The following FSIP2 variants were observed in gnomAD, a reference collection of about 807,000 sequenced individuals.
FSIP2 encodes the protein fibrous sheath interacting protein 2.
FSIP2 carries 367 observed loss-of-function variants against 510.5 expected under a neutral mutation model. The observed-to-expected ratio is 0.72, with a 90% CI of 0.66 to 0.78. The LOEUF (loss-of-function observed/expected upper bound fraction) is 0.78. FSIP2 is among the 30% of genes least tolerant of loss of function. FSIP2 has a pLI of 0.00. For synonymous variants in FSIP2, 2,601 were observed against 2,732.2 expected (o/e 0.95, Z 1.50); for missense variants, 7,594 against 7,901.7 (o/e 0.96, Z 1.48).
intron 7 of FSIP2, among the ~76,000 whole-genome samples, chr2:185,750,182 C>G (rs1008192205): frequency 1.3e-5 from 2 of 151,378 alleles, no homozygotes; most frequent in Non-Finnish European, 1.5e-5. Context: ...CCATAAATCT[C>G]TATGTATTCC....
intron 19 of FSIP2, among the ~76,000 whole-genome samples, chr2:185,816,984 G>C (rs536860459): frequency 2.8e-5 from 4 of 143,302 alleles, no homozygotes; most frequent in Admixed American, 6.9e-5. Context: ...AAAAAGAAAA[G>C]GAAGGGAAGA....
chr2:185,796,484 T>C lies in FSIP2; in HGVS notation c.9348T>C (p.Ile3116=). 1.3e-6 allele frequency: 2 copies of C among 1,535,090 alleles called. No homozygotes were observed. The highest frequency in any genetic ancestry group is 1.7e-6 in the Non-Finnish European group (2 of 1,146,276). The change falls in exon 16 of 23, where the codon ATT becomes ATC. Residue 3116 remains isoleucine (I), a synonymous_variant. Transcript: ENST00000424728. ...PSSISILKEN[I]VASEIIGTLM... ...CAATTAGCATATTGAAAGAGAACATTGTAGCAAGTGAGATCATTGGCACAC... is the reference window on the plus strand; with the variant it reads ...CAATTAGCATATTGAAAGAGAACATCGTAGCAAGTGAGATCATTGGCACAC...
intron 19 of FSIP2, among the ~76,000 whole-genome samples, chr2:185,819,044 GAT>G (rs1485958560): frequency 6.6e-6 from 1 of 151,828 alleles, no homozygotes; most frequent in Non-Finnish European, 1.5e-5. Flanking sequence ...AATGTAAAAA[GAT>G]ATAATTTTGG....
At chr2:185,815,262 C>T (rs148626972) in intron 18 of FSIP2, 109 bp from the exon 19 acceptor site, 10,343 of 617,370 alleles carry the variant, frequency 0.017, 138 homozygotes, top group Non-Finnish European at 0.021. Context: ...TAACTAATCT[C>T]TGGAACTTTT....
rs1458642887 is a variant in FSIP2, at chr2:185,795,734, G to C, written c.8598G>C (p.Leu2866Phe). 1 of 1,532,768 alleles carries C rather than the reference G, an allele frequency of 6.5e-7. No individual in the cohort carries two copies. The highest frequency in any genetic ancestry group is 1.4e-5 in the African/African-American group (1 of 72,774). 94.9% of individuals were successfully genotyped at this position (1,532,768 alleles called of 1,614,324 possible). The change falls in exon 16 of 23, where the codon TTG (leucine) becomes TTC (phenylalanine). Residue 2866 changes from leucine to phenylalanine, a missense_variant. Physicochemically the swap from Leu to Phe is conservative, Grantham distance 22 (BLOSUM62 0). Coordinates refer to ENST00000424728, the MANE Select transcript of FSIP2 (RefSeq NM_173651.4). Reference sequence around the variant, plus strand: ...TATTGATGATAGCTGAAAATGTTTTGACTGAAATTTCAATAAAAGCAAAAG... The same window carrying C: ...TATTGATGATAGCTGAAAATGTTTTCACTGAAATTTCAATAAAAGCAAAAG... The part of the protein sequence containing the change: ...CKLLMIAENV[L>F]TEISIKAKEL...
Position 185,808,490 on chromosome 2 carries a change from G to A in FSIP2, c.19184G>A (p.Arg6395Lys). The change falls in exon 17 of 23, where the codon AGA (arginine) becomes AAA (lysine). Residue 6395 changes from arginine (R) to lysine (K), a missense_variant. Physicochemically the swap from Arg to Lys is conservative, Grantham distance 26 (BLOSUM62 2). Coordinates refer to ENST00000424728, the MANE Select transcript of FSIP2 (RefSeq NM_173651.4). ...LSKLVTAEIS[R>K]SSISLIASDP... is the part of the protein sequence containing the mutation. Reference sequence around the variant, plus strand: ...AAATTGGTAACAGCTGAAATTTCCAGAAGTAGCATTAGTCTAATAGCTTCT... The same window carrying A: ...AAATTGGTAACAGCTGAAATTTCCAAAAGTAGCATTAGTCTAATAGCTTCT... The A allele has an allele frequency of 1.2e-6, 2 of 1,608,780 alleles. No homozygotes were observed. The highest frequency in any genetic ancestry group is 1.7e-6 in the Non-Finnish European group (2 of 1,178,224).
rs1693283718 is a variant in FSIP2, at chr2:185,796,553, C to T, written c.9417C>T (p.Asn3139=). ...CTYFNESLIQ[N]LSRESLFQGA... is the part of the protein sequence containing the mutation. ...ATTTCAATGAGTCTTTGATACAAAA[C>T]CTTTCAAGAGAAAGTTTGTTCCAAG... is the stretch of plus-strand genomic sequence containing the variant. Residue 3139 remains asparagine, a synonymous_variant, in exon 16 of 23, where the codon AAC becomes AAT. Transcript: ENST00000424728. 4 of 1,534,972 alleles carry T rather than the reference C, an allele frequency of 2.6e-6. No homozygotes were observed. The highest frequency in any genetic ancestry group is 4.9e-5 in the East Asian group (2 of 40,830).
At position 185,806,696 on chromosome 2, in the gene FSIP2, A is replaced by G. The variant is rs200489982; in HGVS notation, c.17390A>G (p.Gln5797Arg). 477 of 1,603,322 alleles carry G rather than the reference A, an allele frequency of 3.0e-4. 1 individual carries two copies. In the Middle Eastern group the frequency reaches 3.3e-3, roughly 11 times the overall value. ...LEDVITEMVK[Q>R]LIFSSIPETQ... is the part of the protein sequence containing the mutation. ...GATGTTATTACTGAGATGGTTAAAC[A>G]ATTGATCTTTTCTTCTATACCAGAA... Residue 5797 changes from glutamine (Q) to arginine (R), a missense_variant, in exon 17 of 23, where the codon CAA becomes CGA. Physicochemically the swap from Gln to Arg is conservative, Grantham distance 43. Coordinates refer to ENST00000424728, the MANE Select transcript of FSIP2 (RefSeq NM_173651.4).
chr2:185,805,307 C>T lies in FSIP2; in HGVS notation c.16001C>T (p.Ala5334Val), dbSNP rs1227564996. The change falls in exon 17 of 23, where the codon GCT (alanine) becomes GTT (valine). Residue 5334 changes from alanine (A) to valine (V), a missense_variant. Ala to Val is a moderately conservative substitution (Grantham distance 64). Transcript: ENST00000424728. ...KKSDIKVLPN[A>V]EKMFSFPPID... ...AGTGATATTAAAGTTTTACCAAATG[C>T]TGAAAAAATGTTTTCTTTTCCACCA... The T allele has an allele frequency of 9.4e-6, 15 of 1,594,908 alleles. No individual in the cohort carries two copies. Among genetic ancestry groups the T allele is most frequent in the Non-Finnish European group, 1.2e-5 (14 of 1,173,618 alleles).
In FSIP2 at chr2:185,809,093, C is replaced by A; in HGVS notation, c.19787C>A (p.Ser6596Ter). Residue 6596 changes from serine (S) to a stop codon, truncating the protein, a stop_gained, in exon 17 of 23, where the codon TCA (serine) becomes TAA (stop). Coordinates refer to ENST00000424728, the MANE Select transcript of FSIP2 (RefSeq NM_173651.4). LOFTEE classifies it high-confidence loss of function. The part of the protein sequence containing the change: ...LEKRKTERRT[S>*]LDKTGRLDVK... The stretch of plus-strand genomic sequence containing the variant: ...AAGAGAAAGACAGAAAGACGTACCT[C>A]ATTGGATAAGACTGGAAGACTGGAT... The A allele has an allele frequency of 6.3e-7, 1 of 1,594,894 alleles. No homozygotes were observed. The highest frequency in any genetic ancestry group is 8.5e-7 in the Non-Finnish European group (1 of 1,173,994).
chr2:185,794,353 T>C lies in FSIP2; in HGVS notation c.7217T>C (p.Val2406Ala), dbSNP rs1400869739. The change falls in exon 16 of 23, where the codon GTA becomes GCA. Residue 2406 changes from valine to alanine, a missense_variant. Coordinates refer to ENST00000424728, the MANE Select transcript of FSIP2 (RefSeq NM_173651.4). Reference protein sequence around the residue: ...MLKMLDDKRSVKEICFNSKEN... With the variant: ...MLKMLDDKRSAKEICFNSKEN... Reference sequence around the variant, plus strand: ...AAGATGTTAGATGATAAAAGATCTGTAAAGGAAATTTGTTTTAATTCAAAA... The same window carrying C: ...AAGATGTTAGATGATAAAAGATCTGCAAAGGAAATTTGTTTTAATTCAAAA... 3 of 1,515,832 alleles carry C rather than the reference T, an allele frequency of 2.0e-6. No individual in the cohort carries two copies. The highest frequency in any genetic ancestry group is 1.8e-6 in the Non-Finnish European group (2 of 1,138,586). 93.9% of individuals were successfully genotyped at this position (1,515,832 alleles called of 1,614,324 possible). A position where few individuals can be genotyped will look rare whatever the true frequency, so the allele number is the denominator to read the frequency against.
In FSIP2 at chr2:185,792,643, A is replaced by G. The variant is rs1463289452; in HGVS notation, c.5507A>G (p.Glu1836Gly). 1 of 1,533,974 alleles carries G rather than the reference A, an allele frequency of 6.5e-7. No homozygotes were observed. The highest frequency in any genetic ancestry group is 1.4e-5 in the African/African-American group (1 of 72,874). ...MDKMMDPLLS[E>G]ADITIVTDNI... is the part of the protein sequence containing the mutation. Reference sequence around the variant, plus strand: ...AAAATGATGGATCCTTTACTTTCGGAAGCAGATATAACCATAGTAACAGAT... The same window carrying G: ...AAAATGATGGATCCTTTACTTTCGGGAGCAGATATAACCATAGTAACAGAT... Residue 1836 changes from glutamate (E) to glycine (G), a missense_variant, in exon 16 of 23, where the codon GAA (glutamate) becomes GGA (glycine). Physicochemically the swap from Glu to Gly is moderately conservative, Grantham distance 98. Coordinates refer to ENST00000424728, the MANE Select transcript of FSIP2 (RefSeq NM_173651.4).
At chr2:185,820,996 A>G (rs1426602576) in intron 19 of FSIP2, among the ~76,000 whole-genome samples, 2 of 140,154 alleles carry the variant, frequency 1.4e-5, no homozygotes, top group South Asian at 4.7e-4. Context: ...AAGAAAACCA[A>G]GAGTTGGTTC....
intron 2 of FSIP2, 29 bp downstream of exon 2, chr2:185,739,500 C>T (rs1346586316): frequency 6.9e-7 from 1 of 1,453,658 alleles, no homozygotes; most frequent in East Asian, 2.7e-5. Context: ...TCTTTCTTTC[C>T]TTTACCCTTT....
intron 19 of FSIP2, among the ~76,000 whole-genome samples, chr2:185,821,942 AAT>A: frequency 6.7e-6 from 1 of 149,942 alleles, no homozygotes; most frequent in African/African-American, 2.4e-5. Context: ...AAAAAAAAAA[AAT>A]CGATGTAATA....
chr2:185,743,619 T>C (rs1049452426), intron 3 of FSIP2, among the ~76,000 whole-genome samples: 1 of 152,202 alleles, frequency 6.6e-6, no homozygotes, highest in African/African-American at 2.4e-5. Context: ...ACTGTATACT[T>C]GTCAAGAATT....
intron 7 of FSIP2, among the ~76,000 whole-genome samples, chr2:185,751,645 T>C (rs1355545692): frequency 6.6e-6 from 1 of 151,404 alleles, no homozygotes; most frequent in Non-Finnish European, 1.5e-5. Flanking sequence ...ATTTGTCTCA[T>C]CTATGTTCTT....
In FSIP2 at chr2:185,815,299, A is replaced by G. The variant is rs1466259936; in HGVS notation, c.20326-72A>G. ...TCCATTAAAATGTAGATTATACTGC[A>G]AAAAATGCCATAAGGTAAGAAAATA... On this transcript the variant is annotated intron_variant, in intron 18 of 22. Coordinates refer to ENST00000424728, the MANE Select transcript of FSIP2 (RefSeq NM_173651.4). 4 of 736,476 alleles carry G rather than the reference A, an allele frequency of 5.4e-6. No individual in the cohort carries two copies. In the East Asian group the frequency reaches 1.1e-4, roughly 20 times the overall value. The allele number at this position is 736,476 out of a possible 1,614,324, so 45.6% of individuals were successfully genotyped here.
chr2:185,762,521 G>A (rs973474943), intron 11 of FSIP2, among the ~76,000 whole-genome samples: 2 of 151,302 alleles, frequency 1.3e-5, no homozygotes, highest in African/African-American at 4.8e-5. Flanking sequence ...AGTTGCTAAG[G>A]ATCACCTCAA....
Sources: allele counts gnomAD v4.1 joint callset (sites outside exome capture counted in the v4.1 genomes callset), GRCh38; gene constraint gnomAD v4.1.1; transcripts MANE v1.5; gene names NCBI Gene and HGNC (gene_info 2026-07-23, HGNC 2026-07-21).